Variants in PAPPA2 observed in about 807,000 individuals in gnomAD.
PAPPA2 encodes the protein pappalysin 2, also known as pappalysin-2.
Under a neutral mutation model 176.4 loss-of-function variants are expected in PAPPA2, and 86 were observed. The observed-to-expected ratio is 0.49, with a 90% CI of 0.41 to 0.58. PAPPA2 has a LOEUF of 0.58. PAPPA2 is among the 20% of genes least tolerant of loss of function. The probability of loss-of-function intolerance (pLI) is 0.00; values close to 1 mark genes in which losing one functional copy is unlikely to be tolerated. For synonymous variants in PAPPA2, 809 were observed against 852.2 expected (o/e 0.95, Z 0.88); for missense variants, 2,073 against 2,256.9 (o/e 0.92, Z 1.65).
At chr1:176,766,833 A>T (rs141270110) in intron 15 of PAPPA2, among the ~76,000 whole-genome samples, 1 of 152,214 alleles carries the variant, frequency 6.6e-6, no homozygotes, top group African/African-American at 2.4e-5. Context: ...GAGGAAAAAA[A>T]CAGAAAGATG....
At chr1:176,599,851 T>C (rs1163351712) in intron 3 of PAPPA2, among the ~76,000 whole-genome samples, 3 of 152,074 alleles carry the variant, frequency 2.0e-5, no homozygotes, top group South Asian at 2.1e-4. Context: ...TAAGAAAGAA[T>C]AATTATCTAT....
chr1:176,824,732 C>G (rs1301824106), intron 21 of PAPPA2, among the ~76,000 whole-genome samples: 1 of 152,112 alleles, frequency 6.6e-6, no homozygotes, highest in Non-Finnish European at 1.5e-5. Context: ...ACCCTTTGTC[C>G]CATTTTTCCC....
chr1:176,623,567 C>A, intron 3 of PAPPA2, among the ~76,000 whole-genome samples: 1 of 83,598 alleles, frequency 1.2e-5, no homozygotes, highest in East Asian at 2.4e-4. Flanking sequence ...CCCTTCCTTC[C>A]TTCCTTCCCT....
intron 12 of PAPPA2, among the ~76,000 whole-genome samples, chr1:176,718,361 C>A (rs535551911): frequency 9.5e-4 from 145 of 152,058 alleles, no homozygotes; most frequent in Middle Eastern, 6.8e-3. Flanking sequence ...TTTTCATTAA[C>A]CTTTTATTAA....
intron 3 of PAPPA2, among the ~76,000 whole-genome samples, chr1:176,618,683 TA>T (rs1655416089): frequency 6.6e-6 from 1 of 152,226 alleles, no homozygotes; most frequent in South Asian, 2.1e-4. Flanking sequence ...GTTTTAACTG[TA>T]AAAGAATTTA....
At chr1:176,686,160 A>T (rs1355853952) in intron 4 of PAPPA2, among the ~76,000 whole-genome samples, 5 of 152,192 alleles carry the variant, frequency 3.3e-5, no homozygotes, top group Admixed American at 1.3e-4. Flanking sequence ...TGGTTGTATT[A>T]GTCCGTTCTC....
At chr1:176,814,896 T>C (rs1003351032) in intron 21 of PAPPA2, among the ~76,000 whole-genome samples, 5 of 152,230 alleles carry the variant, frequency 3.3e-5, no homozygotes, top group African/African-American at 9.6e-5. Flanking sequence ...ATTTTGCCCA[T>C]GCAGTATGAT....
intron 1 of PAPPA2, among the ~76,000 whole-genome samples, chr1:176,536,753 A>AT (rs1225692725): frequency 2.6e-5 from 4 of 152,190 alleles, no homozygotes; most frequent in Non-Finnish European, 5.9e-5. Flanking sequence ...ATTTGCTAAC[A>AT]TCCCACTGAC....
rs554772723 is a variant in PAPPA2, at chr1:176,811,784, C to A, written c.5202+11652C>A. Among the ~76,000 whole-genome samples, 3 of 152,228 alleles carry A rather than the reference C, an allele frequency of 2.0e-5. No homozygotes were observed. The South Asian group carries it at 6.2e-4, about 32-fold the overall frequency. ...ATGTCTTTAAGCTTGTCTAGAGTCC[C>A]ATTTGGTTCAGGGCTCAACTTCAGA... is the stretch of plus-strand genomic sequence containing the variant. On this transcript the variant is annotated intron_variant, in intron 21 of 22. Coordinates refer to ENST00000367662, the MANE Select transcript of PAPPA2 (RefSeq NM_020318.3).
chr1:176,833,022 A>C (rs1479670328), intron 21 of PAPPA2, among the ~76,000 whole-genome samples: 1 of 152,162 alleles, frequency 6.6e-6, no homozygotes, highest in African/African-American at 2.4e-5. Flanking sequence ...ACTACCACAC[A>C]TGGACCAGTG....
intron 12 of PAPPA2, among the ~76,000 whole-genome samples, chr1:176,715,661 G>T (rs1371719809): frequency 1.3e-5 from 2 of 152,162 alleles, no homozygotes; most frequent in African/African-American, 4.8e-5. Context: ...CCCCTGTGGG[G>T]ATCACCGTCT....
chr1:176,686,349 TA>T (rs1659840372), intron 4 of PAPPA2, among the ~76,000 whole-genome samples: 1 of 152,132 alleles, frequency 6.6e-6, no homozygotes, highest in Non-Finnish European at 1.5e-5. Flanking sequence ...CAGACACTTA[TA>T]AAACTATGAG....
At chr1:176,530,005 C>T (rs1649722027) in intron 1 of PAPPA2, among the ~76,000 whole-genome samples, 1 of 152,118 alleles carries the variant, frequency 6.6e-6, no homozygotes. Flanking sequence ...CTAAAAACCT[C>T]AACAACATTA....
At chr1:176,483,014 C>G (rs1449887749) in intron 1 of PAPPA2, among the ~76,000 whole-genome samples, 1 of 152,182 alleles carries the variant, frequency 6.6e-6, no homozygotes. Flanking sequence ...GTGACGGATG[C>G]CCTTTTCAAG....
intron 3 of PAPPA2, among the ~76,000 whole-genome samples, chr1:176,666,672 G>A (rs1658674929): frequency 6.6e-6 from 1 of 151,076 alleles, no homozygotes; most frequent in African/African-American, 2.4e-5. Flanking sequence ...CATGATGAAT[G>A]GGCTTGATTA....
chr1:176,586,400 G>C (rs1474120691), intron 2 of PAPPA2, among the ~76,000 whole-genome samples: 1 of 152,032 alleles, frequency 6.6e-6, no homozygotes, highest in East Asian at 1.9e-4. Flanking sequence ...ATGCCATGGT[G>C]GTTTCCTGCA....
chr1:176,583,833 C>G (rs981206529), intron 2 of PAPPA2, among the ~76,000 whole-genome samples: 2 of 152,094 alleles, frequency 1.3e-5, no homozygotes, highest in African/African-American at 4.8e-5. Flanking sequence ...GGTGGGAGGA[C>G]TGCTCAAGCC....
intron 1 of PAPPA2, among the ~76,000 whole-genome samples, chr1:176,545,848 T>C (rs1383651065): frequency 2.0e-5 from 3 of 152,202 alleles, no homozygotes; most frequent in Admixed American, 1.3e-4. Flanking sequence ...GCTTGCCTTC[T>C]GGTGTCAAAT....
intron 3 of PAPPA2, among the ~76,000 whole-genome samples, chr1:176,653,987 T>A (rs549970053): frequency 7.9e-5 from 12 of 151,844 alleles, no homozygotes; most frequent in South Asian, 6.2e-4. Context: ...CCTATTTTTT[T>A]AAAAATTTAC....
Sources: allele counts gnomAD v4.1 joint callset (sites outside exome capture counted in the v4.1 genomes callset), GRCh38; gene constraint gnomAD v4.1.1; transcripts MANE v1.5; gene names NCBI Gene and HGNC (gene_info 2026-07-23, HGNC 2026-07-21).